The following ALK variants were observed in gnomAD, a reference collection of about 807,000 sequenced individuals.
ALK encodes the protein ALK tyrosine kinase receptor.
In ALK, 74 loss-of-function variants were observed where a neutral mutation model predicts 163.1. The observed-to-expected ratio is 0.45, with a 90% CI of 0.38 to 0.55. The LOEUF (loss-of-function observed/expected upper bound fraction) is 0.55, where lower values mean the gene tolerates loss of function less well. Among genes scored for constraint, ALK ranks in the 20% least tolerant of loss-of-function variants. The pLI is 0.00. For missense variants in ALK, 2,063 were observed against 2,105.3 expected, an observed-to-expected ratio of 0.98 and a Z score of 0.39; for synonymous variants, 960 against 843.2, an observed-to-expected ratio of 1.14 and a Z score of -2.40.
chr2:29,743,945 T>TA (rs151294400), intron 1 of ALK, among the ~76,000 whole-genome samples: 115 of 143,762 alleles, frequency 8.0e-4, no homozygotes, highest in Middle Eastern at 3.5e-3. Context: ...CCCTCTGAAA[T>TA]AAAAAAAAAA....
At chr2:29,430,912 A>T (rs916183600) in intron 4 of ALK, among the ~76,000 whole-genome samples, 10 of 152,162 alleles carry the variant, frequency 6.6e-5, no homozygotes, top group African/African-American at 1.9e-4. Context: ...AGCCTGGTAC[A>T]GTATGTCAGC....
chr2:29,671,895 T>C (rs1316081987), intron 3 of ALK, among the ~76,000 whole-genome samples: 1 of 152,104 alleles, frequency 6.6e-6, no homozygotes, highest in East Asian at 1.9e-4. Context: ...TTTTTAGATA[T>C]AAATATTTAA....
intron 8 of ALK, among the ~76,000 whole-genome samples, chr2:29,303,271 A>C (rs1350155160): frequency 6.6e-6 from 1 of 152,230 alleles, no homozygotes; most frequent in Admixed American, 6.5e-5. Flanking sequence ...CAGCCAATAC[A>C]CATATGAAAA....
intron 3 of ALK, among the ~76,000 whole-genome samples, chr2:29,546,023 T>C (rs1263064792): frequency 6.6e-6 from 1 of 152,212 alleles, no homozygotes; most frequent in Non-Finnish European, 1.5e-5. Context: ...TGTAGTAAAA[T>C]ACGCGTATGT....
At chr2:29,704,769 G>C (rs1277925460) in intron 2 of ALK, among the ~76,000 whole-genome samples, 3 of 152,138 alleles carry the variant, frequency 2.0e-5, no homozygotes, top group Non-Finnish European at 4.4e-5. Flanking sequence ...TGAGAACAGG[G>C]TGGGGGAAAG....
At chr2:29,294,156 T>C (rs1427853168) in intron 9 of ALK, among the ~76,000 whole-genome samples, 1 of 152,214 alleles carries the variant, frequency 6.6e-6, no homozygotes, top group Non-Finnish European at 1.5e-5. Context: ...TTGTCTTTTA[T>C]CCATCCTATT....
intron 1 of ALK, among the ~76,000 whole-genome samples, chr2:29,912,816 G>C (rs1242034610): frequency 3.3e-5 from 5 of 152,090 alleles, no homozygotes; most frequent in Non-Finnish European, 7.4e-5. Flanking sequence ...TCCTAATCTA[G>C]TGTTCTCCTC....
At position 29,537,524 on chromosome 2, in the gene ALK, G is replaced by A. The variant is rs558851251; in HGVS notation, c.953-5408C>T. Among the ~76,000 whole-genome samples, 213 of 152,350 alleles carry A rather than the reference G, an allele frequency of 1.4e-3. 1 individual carries two copies. The highest frequency in any genetic ancestry group is 0.014 in the Middle Eastern group (4 of 294). ...GGCAGCTCCCATCTAAATGCCATAG[G>A]AGGCATGGGCAGAAGTCTACCACTG... On this transcript the variant is annotated intron_variant, in intron 3 of 28. Transcript: ENST00000389048.
intron 4 of ALK, among the ~76,000 whole-genome samples, chr2:29,459,117 C>T (rs1223947497): frequency 1.3e-5 from 2 of 152,084 alleles, no homozygotes; most frequent in East Asian, 3.9e-4. Context: ...GCCTTAAAAA[C>T]AAACAGCTTC....
rs766564449 is a variant in ALK, at chr2:29,706,975, ATGTGTGTGTGTGTGTGTG to A, written c.787+10585_787+10602del. Among the ~76,000 whole-genome samples the A allele has an allele frequency of 2.9e-3, 297 of 102,784 alleles. 1 individual carries two copies. Among genetic ancestry groups the A allele is most frequent in the South Asian group, 0.012 (29 of 2,372 alleles). 67.4% of individuals were successfully genotyped at this position (102,784 alleles called of 152,430 possible). ...AATTTCCAGGAAACACTCATGCAGA[ATGTGTGTGTGTGTGTGTG>A]TGTGTGTGTGTGTGTGTGTGTGTGT... is the stretch of plus-strand genomic sequence containing the variant. On this transcript the variant is annotated intron_variant, in intron 2 of 28. Transcript: ENST00000389048.
At chr2:29,203,311 A>AT (rs11460596) in intron 26 of ALK, among the ~76,000 whole-genome samples, 15,359 of 151,782 alleles carry the variant, frequency 0.1, 1,936 homozygotes, top group African/African-American at 0.3. Flanking sequence ...GGCTTTCAAA[A>AT]TGTGGAGGTT....
intron 3 of ALK, among the ~76,000 whole-genome samples, chr2:29,654,242 T>C (rs1677115271): frequency 1.3e-5 from 2 of 152,276 alleles, no homozygotes; most frequent in South Asian, 4.2e-4. Context: ...GAGTTGGCAC[T>C]TGGACCCAAG....
At chr2:29,643,903 T>C (rs187622024) in intron 3 of ALK, among the ~76,000 whole-genome samples, 192 of 152,246 alleles carry the variant, frequency 1.3e-3, no homozygotes, top group African/African-American at 4.4e-3. Context: ...ACTGGGTATA[T>C]ACCTGAGGGA....
chr2:29,839,169 T>C (rs1665637902), intron 1 of ALK, among the ~76,000 whole-genome samples: 1 of 152,166 alleles, frequency 6.6e-6, no homozygotes, highest in Admixed American at 6.5e-5. Flanking sequence ...TAGTGCAAAT[T>C]AGTTTATCTG....
chr2:29,800,899 G>A (rs1178930786), intron 1 of ALK, among the ~76,000 whole-genome samples: 1 of 152,182 alleles, frequency 6.6e-6, no homozygotes, highest in Non-Finnish European at 1.5e-5. Context: ...ACAGATCAGA[G>A]CCACGCCGCT....
intron 1 of ALK, among the ~76,000 whole-genome samples, chr2:29,819,840 A>G (rs1261001659): frequency 2.6e-5 from 4 of 152,182 alleles, no homozygotes; most frequent in Non-Finnish European, 5.9e-5. Flanking sequence ...TCCACCATCC[A>G]CATTCCCCAA....
chr2:29,511,835 T>C (rs896884786), intron 4 of ALK, among the ~76,000 whole-genome samples: 1 of 152,192 alleles, frequency 6.6e-6, no homozygotes, highest in Non-Finnish European at 1.5e-5. Flanking sequence ...TTTTAGCTAT[T>C]GTAATTTTAC....
intron 1 of ALK, among the ~76,000 whole-genome samples, chr2:29,853,318 C>T (rs953248151): frequency 1.3e-5 from 2 of 152,158 alleles, no homozygotes; most frequent in African/African-American, 4.8e-5. Flanking sequence ...CTCCCCACAC[C>T]AGTCTTACCC....
intron 4 of ALK, among the ~76,000 whole-genome samples, chr2:29,508,123 C>G (rs1455091198): frequency 1.3e-5 from 2 of 152,070 alleles, no homozygotes; most frequent in Admixed American, 1.3e-4. Context: ...CAGGGTCTGG[C>G]TGGCTTTCTT....
Sources: allele counts gnomAD v4.1 joint callset (sites outside exome capture counted in the v4.1 genomes callset), GRCh38; gene constraint gnomAD v4.1.1; transcripts MANE v1.5; gene names NCBI Gene and HGNC (gene_info 2026-07-23, HGNC 2026-07-21).